The following HPSE2 variants were observed in gnomAD, a reference collection of about 807,000 sequenced individuals.
HPSE2 encodes inactive heparanase-2.
Under a neutral mutation model 60.5 loss-of-function variants are expected in HPSE2, and 38 were observed. The observed-to-expected ratio is 0.63, with a 90% confidence interval of 0.48 to 0.82. HPSE2 has a LOEUF of 0.82. HPSE2 is among the 40% of genes least tolerant of loss of function. HPSE2 has a pLI of 0.00. For missense variants in HPSE2, 713 were observed against 740.4 expected, an observed-to-expected ratio of 0.96 and a Z score of 0.43; for synonymous variants, 295 against 293.2, an observed-to-expected ratio of 1.01 and a Z score of -0.06.
chr10:98,928,745 A>G (rs1465872250), intron 3 of HPSE2, among the ~76,000 whole-genome samples: 2 of 134,120 alleles, frequency 1.5e-5, no homozygotes, highest in African/African-American at 6.5e-5. Flanking sequence ...AGAACAAAAA[A>G]CCAAACACCG....
chr10:98,672,271 G>T (rs1348520455), intron 6 of HPSE2, among the ~76,000 whole-genome samples: 6 of 152,038 alleles, frequency 3.9e-5, no homozygotes. Flanking sequence ...ACCAAAATAC[G>T]AGCAGAAAAC....
At chr10:98,761,241 C>A (rs1949997856) in intron 3 of HPSE2, among the ~76,000 whole-genome samples, 2 of 151,846 alleles carry the variant, frequency 1.3e-5, no homozygotes, top group African/African-American at 4.8e-5. Context: ...AAAATGAGAA[C>A]AGAAATAAAT....
At chr10:98,780,476 G>A (rs1429226760) in intron 3 of HPSE2, among the ~76,000 whole-genome samples, 2 of 152,092 alleles carry the variant, frequency 1.3e-5, no homozygotes, top group Non-Finnish European at 2.9e-5. Flanking sequence ...ACTTAGAATT[G>A]AGTTTGTTAT....
chr10:98,823,217 G>C (rs890427870), intron 3 of HPSE2, among the ~76,000 whole-genome samples: 14 of 152,190 alleles, frequency 9.2e-5, no homozygotes, highest in Non-Finnish European at 1.9e-4. Context: ...ATGAATTTTA[G>C]ACTTCTGATC....
chr10:98,662,684 T>C (rs1430662922), intron 6 of HPSE2, among the ~76,000 whole-genome samples: 1 of 152,180 alleles, frequency 6.6e-6, no homozygotes, highest in Non-Finnish European at 1.5e-5. Flanking sequence ...AACCTGCACA[T>C]GTACCACTGA....
chr10:98,958,415 A>G (rs1955562786), intron 3 of HPSE2, among the ~76,000 whole-genome samples: 1 of 152,132 alleles, frequency 6.6e-6, no homozygotes, highest in African/African-American at 2.4e-5. Flanking sequence ...AGGAGACTCT[A>G]ATGCAACAGG....
intron 4 of HPSE2, among the ~76,000 whole-genome samples, chr10:98,736,212 G>T (rs1022692357): frequency 2.1e-5 from 1 of 47,296 alleles, no homozygotes; most frequent in African/African-American, 5.4e-5. Context: ...CCTTTTGCTT[G>T]GTTTTTTTTT....
intron 3 of HPSE2, among the ~76,000 whole-genome samples, chr10:98,987,318 C>T (rs1038880972): frequency 3.3e-5 from 5 of 152,092 alleles, no homozygotes; most frequent in Non-Finnish European, 7.4e-5. Context: ...GGGCTTCATC[C>T]CTGGGATGCA....
At chr10:99,072,332 G>T (rs1340509843) in intron 3 of HPSE2, among the ~76,000 whole-genome samples, 1 of 122,350 alleles carries the variant, frequency 8.2e-6, no homozygotes, top group Non-Finnish European at 1.9e-5. Flanking sequence ...CTTTTGCACA[G>T]CAAAAGAAAC....
At chr10:99,240,931 TA>T in the HPSE2 span, among the ~76,000 whole-genome samples, 2 of 152,174 alleles carry the variant, frequency 1.3e-5, no homozygotes, top group South Asian at 4.1e-4. Context: ...AGCATGAAGA[TA>T]TAACAGCCAG....
intron 3 of HPSE2, among the ~76,000 whole-genome samples, chr10:99,125,985 C>T (rs75316976): frequency 0.01 from 1,534 of 152,198 alleles, 21 homozygotes; most frequent in Non-Finnish European, 0.015. Context: ...ATCCAGGAGG[C>T]GAATGGGGAC....
At chr10:99,056,950 T>A (rs562227663) in intron 3 of HPSE2, among the ~76,000 whole-genome samples, 1 of 152,254 alleles carries the variant, frequency 6.6e-6, no homozygotes, top group South Asian at 2.1e-4. Flanking sequence ...TAGATGAGTA[T>A]TGAGAACGTT....
At chr10:98,675,276 C>T (rs1947607495) in intron 6 of HPSE2, among the ~76,000 whole-genome samples, 1 of 152,150 alleles carries the variant, frequency 6.6e-6, no homozygotes, top group Non-Finnish European at 1.5e-5. Flanking sequence ...TAAAAGATCA[C>T]TCTATTTTAC....
intron 3 of HPSE2, among the ~76,000 whole-genome samples, chr10:98,776,653 G>A (rs574132108): frequency 3.9e-5 from 6 of 152,186 alleles, no homozygotes; most frequent in South Asian, 4.1e-4. Context: ...TTAGGGAAAC[G>A]AGTCTAGATT....
chr10:98,479,491 C>A (rs187536846), intron 11 of HPSE2, among the ~76,000 whole-genome samples: 54 of 152,352 alleles, frequency 3.5e-4, no homozygotes, highest in African/African-American at 1.2e-3. Context: ...TCCTGTGAGA[C>A]CCCCATCGCA....
chr10:98,948,282 A>T (rs575045986), intron 3 of HPSE2, among the ~76,000 whole-genome samples: 1 of 152,328 alleles, frequency 6.6e-6, no homozygotes, highest in South Asian at 2.1e-4. Flanking sequence ...ATCATGAAAG[A>T]TATTATAGAT....
chr10:99,216,110 T>C (rs535614737), intron 2 of HPSE2, among the ~76,000 whole-genome samples: 20 of 152,258 alleles, frequency 1.3e-4, no homozygotes, highest in African/African-American at 4.3e-4. Flanking sequence ...ACCTGGTCCT[T>C]TAATCTCAAA....
Position 98,490,211 on chromosome 10 carries a change from G to A in HPSE2, c.1321-15C>T. The A allele has an allele frequency of 3.7e-6, 6 of 1,613,888 alleles. No homozygotes were observed. The highest frequency in any genetic ancestry group is 5.1e-6 in the Non-Finnish European group (6 of 1,179,954). The stretch of plus-strand genomic sequence containing the variant: ...AGCCAGTAGTCCTGAGGAGAATAGA[G>A]AGGGAGAGGGTCAGCGAGAGAACAC... On this transcript the variant is annotated splice_polypyrimidine_tract_variant and intron_variant, in intron 9 of 11. Transcript: ENST00000370552.
intron 9 of HPSE2, among the ~76,000 whole-genome samples, chr10:98,516,643 C>T (rs1163336644): frequency 2.0e-5 from 3 of 152,076 alleles, no homozygotes; most frequent in African/African-American, 7.2e-5. Context: ...CAGGAGGGTA[C>T]ACTTCACTGG....
Sources: gnomAD v4.1 joint callset for allele counts (sites outside exome capture counted in the v4.1 genomes callset) on GRCh38, gnomAD v4.1.1 for gene constraint, MANE v1.5 for transcripts, NCBI Gene and HGNC (gene_info 2026-07-23, HGNC 2026-07-21) for gene names.